The following JAK3 variants were observed in gnomAD, a reference collection of about 807,000 sequenced individuals.
The protein encoded by JAK3 is Janus kinase 3.
A neutral mutation model predicts 120.8 loss-of-function variants in JAK3; 88 were observed. That is an observed-to-expected ratio of 0.73 (90% CI 0.61 to 0.87). JAK3 has a LOEUF of 0.87. Among genes scored for constraint, JAK3 ranks in the 40% least tolerant of loss-of-function variants. The probability of loss-of-function intolerance (pLI) is 0.00; values close to 1 mark genes in which losing one functional copy is unlikely to be tolerated. For missense variants in JAK3, 1,254 were observed against 1,501.4 expected (o/e 0.84, Z 2.72); for synonymous variants, 592 against 628.6 (o/e 0.94, Z 0.87).
rs2147699426 is a variant in JAK3, at chr19:17,843,376, C to T, written c.420+4G>A. On this transcript the variant is annotated splice_donor_region_variant and intron_variant, in intron 4 of 23. Transcript: ENST00000458235. The surrounding 1 kb of genome is among the most constrained non-coding windows in gnomAD (Gnocchi z 5.4). ...CCTGGGTCAAACCCCAGGCAGAACC[C>T]CACCTGGGCAAAGAGGTGCTCCAGG... The T allele has an allele frequency of 1.3e-6, 2 of 1,582,232 alleles. No homozygotes were observed. The highest frequency in any genetic ancestry group is 1.7e-6 in the Non-Finnish European group (2 of 1,163,210).
chr19:17,841,344 G>A lies in JAK3; in HGVS notation c.1142+45C>T, dbSNP rs1213065996. On this transcript the variant is annotated intron_variant, in intron 8 of 23. Coordinates refer to ENST00000458235, the MANE Select transcript of JAK3 (RefSeq NM_000215.4). The surrounding 1 kb of genome is among the most constrained non-coding windows in gnomAD (Gnocchi z 4.1). ...CACTGAGGCATAGAGAAGGGGAGGG[G>A]CCCTGAGTGGCCACAGAGGCCGGGA... 2 of 1,530,414 alleles carry A rather than the reference G, an allele frequency of 1.3e-6. No individual in the cohort carries two copies. The highest frequency in any genetic ancestry group is 1.8e-4 in the Middle Eastern group (1 of 5,470). 94.8% of individuals were successfully genotyped at this position (1,530,414 alleles called of 1,614,324 possible).
Position 17,841,322 on chromosome 19 carries a change from T to C in JAK3, c.1142+67A>G, listed in dbSNP as rs1423322722. ...CAGGGCTCCTGGAAGGTGAGGACACTGAGGCATAGAGAAGGGGAGGGGCCC... is the reference window on the plus strand; with the variant it reads ...CAGGGCTCCTGGAAGGTGAGGACACCGAGGCATAGAGAAGGGGAGGGGCCC... On this transcript the variant is annotated intron_variant, in intron 8 of 23. Coordinates refer to ENST00000458235, the MANE Select transcript of JAK3 (RefSeq NM_000215.4). This position sits in a 1 kb window ranked among gnomAD's most constrained non-coding sequence, Gnocchi z 4.1. 14 of 1,491,704 alleles carry C rather than the reference T, an allele frequency of 9.4e-6. No homozygotes were observed. The East Asian group carries it at 2.0e-4, about 21-fold the overall frequency. 92.4% of individuals were successfully genotyped at this position (1,491,704 alleles called of 1,614,324 possible). A position where few individuals can be genotyped will look rare whatever the true frequency, so the allele number is the denominator to read the frequency against.
At chr19:17,847,855 TG>T in intron 1 of JAK3, 90 bp downstream of exon 1, 2 of 603,828 alleles carry the variant, frequency 3.3e-6, no homozygotes, top group African/African-American at 2.0e-5. Context: ...GCCTTTGCCC[TG>T]GCAGCACCCT....
chr19:17,831,192 G>C lies in JAK3; in HGVS notation c.2978+36C>G, dbSNP rs745458301. 3.5e-5 allele frequency: 56 copies of C among 1,599,872 alleles called. No homozygotes were observed. In the Middle Eastern group the frequency reaches 5.0e-4, roughly 14 times the overall value. On this transcript the variant is annotated intron_variant, in intron 21 of 23. Coordinates refer to ENST00000458235, the MANE Select transcript of JAK3 (RefSeq NM_000215.4). This position sits in a 1 kb window ranked among gnomAD's most constrained non-coding sequence, Gnocchi z 5.1. ...GGCTGGGGGCGGAGCCAGAGCCGTG[G>C]GGAATAGGGGCGGAGCCTAGGCGCG...
chr19:17,842,602 G>A lies in JAK3; in HGVS notation c.575C>T (p.Ala192Val), dbSNP rs2147698046. ...GTCGCGCAGGCTTGGGGGTAGGCAGGCCTTGTAGCTGCAGGGGTTGGAGGG... is the reference window on the plus strand; with the variant it reads ...GTCGCGCAGGCTTGGGGGTAGGCAGACCTTGTAGCTGCAGGGGTTGGAGGG... Reference protein sequence around the residue: ...GELLKTVSYKACLPPSLRDLI... With the variant: ...GELLKTVSYKVCLPPSLRDLI... Residue 192 changes from alanine (A) to valine (V), a missense_variant, in exon 6 of 24, where the codon GCC (alanine) becomes GTC (valine). This residue lies in a region of JAK3 where 486 missense variants were observed against 503.0 expected (regional missense o/e 0.97). Transcript: ENST00000458235. This position sits in a 1 kb window ranked among gnomAD's most constrained non-coding sequence, Gnocchi z 6.4. 6.3e-7 allele frequency: 1 copy of A among 1,575,764 alleles called. No individual in the cohort carries two copies. Among genetic ancestry groups the A allele is most frequent in the Non-Finnish European group, 8.6e-7 (1 of 1,158,950 alleles).
intron 23 of JAK3, among the ~76,000 whole-genome samples, chr19:17,829,331 G>C (rs1298667941): frequency 6.6e-6 from 1 of 151,982 alleles, no homozygotes; most frequent in Non-Finnish European, 1.5e-5. Flanking sequence ...GGTAATTTTT[G>C]TATTTTTAGT....
intron 14 of JAK3, 108 bp from the exon 15 acceptor site, chr19:17,835,323 T>C (rs1419322056): frequency 1.1e-5 from 15 of 1,386,880 alleles, no homozygotes; most frequent in Non-Finnish European, 1.5e-5. Context: ...TGCTCAGACA[T>C]GCTCCAGCAT....
In JAK3 at chr19:17,831,778, C is replaced by T. The variant is rs2147677082; in HGVS notation, c.2701G>A (p.Val901Ile). Residue 901 changes from valine (V) to isoleucine (I), a missense_variant, in exon 20 of 24, where the codon GTC (valine) becomes ATC (isoleucine). Transcript: ENST00000458235. The surrounding 1 kb of genome is among the most constrained non-coding windows in gnomAD (Gnocchi z 5.1). Reference protein sequence around the residue: ...YGPGRQSLRLVMEYLPSGCLR... With the variant: ...YGPGRQSLRLIMEYLPSGCLR... ...CAGCCGCTGGGCAGGTACTCCATGA[C>T]CAGCCGCAGGCTCTGGCGGCCTGGA... is the stretch of plus-strand genomic sequence containing the variant. 6.2e-7 allele frequency: 1 copy of T among 1,612,832 alleles called. No individual in the cohort carries two copies. The highest frequency in any genetic ancestry group is 2.2e-5 in the East Asian group (1 of 44,860).
intron 17 of JAK3, 75 bp downstream of exon 17, chr19:17,834,486 GCGTGGCCTGC>G: frequency 6.7e-7 from 1 of 1,493,234 alleles, no homozygotes; most frequent in Non-Finnish European, 9.3e-7. Flanking sequence ...GACACACAGG[GCGTGGCCTGC>G]TGCAAACCAC....
chr19:17,841,745 GC>G lies in JAK3; in HGVS notation c.878del (p.Cys293SerfsTer7). 3 of 1,608,522 alleles carry G rather than the reference GC, an allele frequency of 1.9e-6. No homozygotes were observed. Among genetic ancestry groups the G allele is most frequent in the Non-Finnish European group, 2.5e-6 (3 of 1,179,952 alleles). On this transcript the variant is annotated frameshift_variant, in exon 7 of 24. Transcript: ENST00000458235. LOFTEE classifies it high-confidence loss of function. This position sits in a 1 kb window ranked among gnomAD's most constrained non-coding sequence, Gnocchi z 4.1. ...TAATGTCTACGATTTCTGGAAAGTC[GC>G]AGAAGGGCTGGAGGACCTGGGAAGG... ...QGEQEVLQPF[C>X]DFPEIVDISI...
Position 17,841,923 on chromosome 19 carries a change from C to T in JAK3, c.862-161G>A, listed in dbSNP as rs937635354. On this transcript the variant is annotated intron_variant, in intron 6 of 23. Transcript: ENST00000458235. This position sits in a 1 kb window ranked among gnomAD's most constrained non-coding sequence, Gnocchi z 4.1. ...ATCAACTCCAACCTCTCAACACCTCCCCTACCCATCCCCAAACATCTCCCA... is the reference window on the plus strand; with the variant it reads ...ATCAACTCCAACCTCTCAACACCTCTCCTACCCATCCCCAAACATCTCCCA... Among the ~76,000 whole-genome samples the T allele has an allele frequency of 1.3e-5, 2 of 151,936 alleles. No individual in the cohort carries two copies. The highest frequency in any genetic ancestry group is 4.2e-4 in the South Asian group (2 of 4,800).
rs545217162 is a variant in JAK3, at chr19:17,847,729, C to T, written c.-14+217G>A. 2.5e-4 allele frequency among the ~76,000 whole-genome samples: 38 copies of T among 152,034 alleles called. 1 individual carries two copies. The highest frequency in any genetic ancestry group is 8.0e-4 in the African/African-American group (33 of 41,470). On this transcript the variant is annotated intron_variant, in intron 1 of 23. Coordinates refer to ENST00000458235, the MANE Select transcript of JAK3 (RefSeq NM_000215.4). ...CAATGACTCCTCCAGGTCCGCAAGG[C>T]AGGCATCTCCCGGCCTTAGTCAAAG... is the stretch of plus-strand genomic sequence containing the variant.
In JAK3 at chr19:17,831,519, C is replaced by T. The variant is rs942067445; in HGVS notation, c.2806-119G>A. 4.2e-5 allele frequency: 64 copies of T among 1,514,816 alleles called. No individual in the cohort carries two copies. Among genetic ancestry groups the T allele is most frequent in the Non-Finnish European group, 5.3e-5 (59 of 1,119,292 alleles). The allele number at this position is 1,514,816 out of a possible 1,614,324, so 93.8% of individuals were successfully genotyped here. ...TATAACCCTACCCCCGAGCCATCCT[C>T]CACTGAAGTTCTGATCCTGAGCCCT... is the stretch of plus-strand genomic sequence containing the variant. On this transcript the variant is annotated intron_variant, in intron 20 of 23. Transcript: ENST00000458235. This position sits in a 1 kb window ranked among gnomAD's most constrained non-coding sequence, Gnocchi z 5.1.
chr19:17,826,874 G>T lies in JAK3; in HGVS notation c.3244C>A (p.Pro1082Thr). ...ELMKLCWAPS[P>T]QDRPSFSALG... ...GCGCTGAATGATGGCCGGTCCTGTGGGCTAGGGGCCCAGCACAGCTTCATG... is the reference window on the plus strand; with the variant it reads ...GCGCTGAATGATGGCCGGTCCTGTGTGCTAGGGGCCCAGCACAGCTTCATG... Residue 1082 changes from proline to threonine, a missense_variant, in exon 24 of 24, where the codon CCA becomes ACA. Pro to Thr is a conservative substitution (Grantham distance 38). Around this residue, in one of 3 missense-constraint regions of JAK3, gnomAD observed 630 missense variants for 819.8 expected, o/e 0.77. Transcript: ENST00000458235. The T allele has an allele frequency of 6.2e-7, 1 of 1,613,168 alleles. No individual in the cohort carries two copies. Among genetic ancestry groups the T allele is most frequent in the Non-Finnish European group, 8.5e-7 (1 of 1,180,042 alleles).
intron 23 of JAK3, among the ~76,000 whole-genome samples, chr19:17,828,225 CTTTGTTTTGTTTTGT>C (rs71967621): frequency 0.075 from 10,313 of 137,384 alleles, 621 homozygotes; most frequent in African/African-American, 0.18. Flanking sequence ...ATAATTTTGT[CTTTGTTTTGTTTTGT>C]TTTGTTTTGT....
chr19:17,834,657 A>G lies in JAK3; in HGVS notation c.2264T>C (p.Leu755Pro), dbSNP rs1451314706. ...CTCATAGGCCATGCACTGTTGAATCAGCAGGGCCAGCTCTGTCCACTTGGG... is the reference window on the plus strand; with the variant it reads ...CTCATAGGCCATGCACTGTTGAATCGGCAGGGCCAGCTCTGTCCACTTGGG... ...PAPKWTELAL[L>P]IQQCMAYEPV... The change falls in exon 17 of 24, where the codon CTG becomes CCG. Residue 755 changes from leucine to proline, a missense_variant. Physicochemically the swap from Leu to Pro is moderately conservative, Grantham distance 98. Around this residue, in one of 3 missense-constraint regions of JAK3, gnomAD observed 630 missense variants for 819.8 expected, o/e 0.77. Coordinates refer to ENST00000458235, the MANE Select transcript of JAK3 (RefSeq NM_000215.4). 1 of 1,613,970 alleles carries G rather than the reference A, an allele frequency of 6.2e-7. No homozygotes were observed. Among genetic ancestry groups the G allele is most frequent in the Non-Finnish European group, 8.5e-7 (1 of 1,179,992 alleles).
intron 23 of JAK3, among the ~76,000 whole-genome samples, chr19:17,827,582 T>G (rs918004425): frequency 4.6e-5 from 7 of 151,154 alleles, no homozygotes; most frequent in African/African-American, 1.7e-4. Flanking sequence ...CCTGACCTCA[T>G]GTAATCCACC....
intron 14 of JAK3, 127 bp downstream of exon 14, chr19:17,835,796 TA>T: frequency 8.4e-7 from 1 of 1,185,062 alleles, no homozygotes; most frequent in Non-Finnish European, 1.2e-6. Flanking sequence ...AACCTGAACC[TA>T]AAATGCCCTC....
rs776141203 is a variant in JAK3 at position 17,830,598 on chromosome 19, C to T, written c.3001G>A (p.Asp1001Asn). The T allele has an allele frequency of 6.2e-7, 1 of 1,613,258 alleles. No individual in the cohort carries two copies. Among genetic ancestry groups the T allele is most frequent in the African/African-American group, 1.3e-5 (1 of 74,634 alleles). ...TCTGACTGGCGAGAGAAGATGTTGT[C>T]CGAGAGGGATTCGGGGGCATACCTG... is the stretch of plus-strand genomic sequence containing the variant. ...IFWYAPESLS[D>N]NIFSRQSDVW... Residue 1001 changes from aspartate (D) to asparagine (N), a missense_variant, in exon 22 of 24, where the codon GAC becomes AAC. Transcript: ENST00000458235.
Sources: allele counts gnomAD v4.1 joint callset (sites outside exome capture counted in the v4.1 genomes callset), GRCh38; gene constraint gnomAD v4.1.1; regional missense constraint gnomAD v4.1.1; non-coding constraint Gnocchi (gnomAD v3.1); transcripts MANE v1.5; gene names NCBI Gene and HGNC (gene_info 2026-07-23, HGNC 2026-07-21).